Variants in TBX18 observed in about 807,000 individuals in gnomAD.
TBX18 encodes T-box transcription factor TBX18.
Under a neutral mutation model 55.0 loss-of-function variants are expected in TBX18, and 21 were observed. That is an observed-to-expected ratio of 0.38 (90% confidence interval 0.27 to 0.55). The LOEUF is 0.55. Ranked by LOEUF, TBX18 falls within the 20% of genes least tolerant of loss-of-function variation. The probability of loss-of-function intolerance (pLI) is 0.73; values close to 1 mark genes in which losing one functional copy is unlikely to be tolerated. For synonymous variants in TBX18, 342 were observed against 326.1 expected, an observed-to-expected ratio of 1.05 and a Z score of -0.53; for missense variants, 840 against 799.6, an observed-to-expected ratio of 1.05 and a Z score of -0.61.
rs1240435451 is a variant in TBX18, at chr6:84,762,706, G to T, written c.335C>A (p.Ala112Glu). Residue 112 changes from alanine (A) to glutamate (E), a missense_variant, in exon 2 of 8, where the codon GCG becomes GAG. Coordinates refer to ENST00000369663, the MANE Select transcript of TBX18 (RefSeq NM_001080508.3). ...DGFQQGASPL[A>E]SPGGSPKGSP... ...CCCCTTGGGGGAGCCTCCCGGTGACGCCAGAGGGGAAGCTCCCTGCTGGAA... is the reference window on the plus strand; with the variant it reads ...CCCCTTGGGGGAGCCTCCCGGTGACTCCAGAGGGGAAGCTCCCTGCTGGAA... 6.2e-7 allele frequency: 1 copy of T among 1,610,892 alleles called. No homozygotes were observed. Among genetic ancestry groups the T allele is most frequent in the South Asian group, 1.1e-5 (1 of 90,948 alleles).
At position 84,736,188 on chromosome 6, in the gene TBX18, A is replaced by G. The variant is rs544049313; in HGVS notation, c.*497T>C. On this transcript the variant is annotated 3_prime_UTR_variant, in exon 8 of 8. Coordinates refer to ENST00000369663, the MANE Select transcript of TBX18 (RefSeq NM_001080508.3). Reference sequence around the variant, plus strand: ...CAAATACCTCAGGACTAACACTAAGACTTCAACTGGCTTTTGTATTTTAGA... The same window carrying G: ...CAAATACCTCAGGACTAACACTAAGGCTTCAACTGGCTTTTGTATTTTAGA... The G allele has an allele frequency of 6.5e-6, 1 of 152,764 alleles. No homozygotes were observed. Among genetic ancestry groups the G allele is most frequent in the East Asian group, 1.9e-4 (1 of 5,190 alleles). 9.5% of individuals were successfully genotyped at this position (152,764 alleles called of 1,614,324 possible). A position where few individuals can be genotyped will look rare whatever the true frequency, so the allele number is the denominator to read the frequency against.
chr6:84,738,117 A>AC (rs1270160433), intron 7 of TBX18, among the ~76,000 whole-genome samples: 5 of 152,108 alleles, frequency 3.3e-5, no homozygotes, highest in African/African-American at 7.2e-5. Context: ...CAACAGGAGA[A>AC]CCCTACCCAG....
intron 4 of TBX18, among the ~76,000 whole-genome samples, chr6:84,750,392 A>C (rs1196778784): frequency 1.3e-5 from 2 of 152,142 alleles, no homozygotes; most frequent in East Asian, 3.8e-4. Flanking sequence ...CCCAGTAGAT[A>C]TTCTTTTTCA....
rs988749661 is a variant in TBX18, at chr6:84,756,265, A to G, written c.771+433T>C. 2.0e-5 allele frequency among the ~76,000 whole-genome samples: 3 copies of G among 152,242 alleles called. No individual in the cohort carries two copies. In the South Asian group the frequency reaches 6.2e-4, roughly 31 times the overall value. ...AAAACAACTGGGAACTTGCAGATGGAACACACAAACAGCATAAGCCTAGAC... is the reference window on the plus strand; with the variant it reads ...AAAACAACTGGGAACTTGCAGATGGGACACACAAACAGCATAAGCCTAGAC... On this transcript the variant is annotated intron_variant, in intron 4 of 7. Transcript: ENST00000369663.
chr6:84,740,480 C>G (rs1767019042), intron 6 of TBX18, among the ~76,000 whole-genome samples: 1 of 152,082 alleles, frequency 6.6e-6, no homozygotes, highest in African/African-American at 2.4e-5. Context: ...TATCTGTGGC[C>G]AAACTACAAG....
chr6:84,759,678 A>G (rs538330064), intron 3 of TBX18, among the ~76,000 whole-genome samples: 1 of 152,222 alleles, frequency 6.6e-6, no homozygotes, highest in Admixed American at 6.5e-5. Context: ...GTTATAACAC[A>G]TACCAAAAAA....
chr6:84,752,330 C>G (rs928055531), intron 4 of TBX18, among the ~76,000 whole-genome samples: 7 of 152,258 alleles, frequency 4.6e-5, no homozygotes, highest in Admixed American at 4.6e-4. Context: ...TCCAGATGAC[C>G]TAAATTCCCA....
chr6:84,757,019 T>C (rs1767510108), intron 3 of TBX18, 150 bp from the exon 4 acceptor site: 4 of 777,184 alleles, frequency 5.1e-6, no homozygotes, highest in African/African-American at 1.7e-5. Context: ...CAAGCGCTTT[T>C]CCAAACCACT....
intron 1 of TBX18, chr6:84,763,107 G>C (rs1767701780): frequency 2.5e-6 from 1 of 403,560 alleles, no homozygotes. Flanking sequence ...AGTCAGAGGA[G>C]CTCCCGGGTC....
Position 84,736,968 on chromosome 6 carries a change from T to C in TBX18, c.1541A>G (p.His514Arg), listed in dbSNP as rs754544460. The stretch of plus-strand genomic sequence containing the variant: ...TCTAAAAGTATTATAGGAACCCTGA[T>C]GGGTCTGGTTAGTGGCGAAGGCATT... The part of the protein sequence containing the change: ...SSNAFATNQT[H>R]QGSYNTFRLH... Residue 514 changes from histidine to arginine, a missense_variant, in exon 8 of 8, where the codon CAT becomes CGT. By Grantham distance (29) the His-to-Arg change is conservative. Coordinates refer to ENST00000369663, the MANE Select transcript of TBX18 (RefSeq NM_001080508.3). 3.1e-6 allele frequency: 5 copies of C among 1,609,716 alleles called. No homozygotes were observed. Among genetic ancestry groups the C allele is most frequent in the Non-Finnish European group, 8.5e-7 (1 of 1,177,208 alleles).
At position 84,736,953 on chromosome 6, in the gene TBX18, T is replaced by C. The variant is rs144185523; in HGVS notation, c.1556A>G (p.Asn519Ser). ...ACAGGGGCTGTGTAATCTAAAAGTA[T>C]TATAGGAACCCTGATGGGTCTGGTT... The part of the protein sequence containing the change: ...ATNQTHQGSY[N>S]TFRLHSPCAL... The change falls in exon 8 of 8, where the codon AAT becomes AGT. Residue 519 changes from asparagine to serine, a missense_variant. Physicochemically the swap from Asn to Ser is conservative, Grantham distance 46. Coordinates refer to ENST00000369663, the MANE Select transcript of TBX18 (RefSeq NM_001080508.3). 142 of 1,609,208 alleles carry C rather than the reference T, an allele frequency of 8.8e-5. No individual in the cohort carries two copies. The highest frequency in any genetic ancestry group is 1.2e-4 in the Non-Finnish European group (136 of 1,177,142).
intron 4 of TBX18, among the ~76,000 whole-genome samples, chr6:84,753,509 T>G (rs760453641): frequency 2.6e-5 from 4 of 151,940 alleles, no homozygotes; most frequent in Admixed American, 6.6e-5. Context: ...CTTTACTAAT[T>G]AGAGATCAGT....
intron 4 of TBX18, among the ~76,000 whole-genome samples, chr6:84,749,853 T>C (rs767289340): frequency 4.3e-4 from 66 of 152,068 alleles, no homozygotes; most frequent in Non-Finnish European, 8.2e-4. Context: ...GGTAGAAAGT[T>C]TGAAAAACAC....
At chr6:84,757,259 T>C (rs1237570206) in intron 3 of TBX18, among the ~76,000 whole-genome samples, 1 of 152,174 alleles carries the variant, frequency 6.6e-6, no homozygotes, top group Non-Finnish European at 1.5e-5. Flanking sequence ...ATCTCAAAAA[T>C]ACTTGAGAGT....
intron 4 of TBX18, among the ~76,000 whole-genome samples, chr6:84,749,900 G>C (rs1466166450): frequency 6.6e-6 from 1 of 152,134 alleles, no homozygotes; most frequent in Non-Finnish European, 1.5e-5. Flanking sequence ...CTAATGATCA[G>C]CACACTCTAA....
At position 84,736,255 on chromosome 6, in the gene TBX18, T is replaced by C. The variant is rs1435929770; in HGVS notation, c.*430A>G. ...AAGAATAACAGAAATCACAAGACTCTACATGCTGGTTACTGCTGGTTATCA... is the reference window on the plus strand; with the variant it reads ...AAGAATAACAGAAATCACAAGACTCCACATGCTGGTTACTGCTGGTTATCA... On this transcript the variant is annotated 3_prime_UTR_variant, in exon 8 of 8. Coordinates refer to ENST00000369663, the MANE Select transcript of TBX18 (RefSeq NM_001080508.3). 1 of 153,050 alleles carries C rather than the reference T, an allele frequency of 6.5e-6. No homozygotes were observed. Among genetic ancestry groups the C allele is most frequent in the Non-Finnish European group, 1.5e-5 (1 of 68,292 alleles). The allele number at this position is 153,050 out of a possible 1,614,324, so 9.5% of individuals were successfully genotyped here.
chr6:84,755,272 A>C (rs999782952), intron 4 of TBX18, among the ~76,000 whole-genome samples: 2 of 152,170 alleles, frequency 1.3e-5, no homozygotes, highest in Admixed American at 1.3e-4. Flanking sequence ...TTATACATGA[A>C]GGTATATAGT....
rs1226961520 is a variant in TBX18, at chr6:84,734,453, CAT to C, written c.*2230_*2231del. 3 of 152,400 alleles carry C rather than the reference CAT, an allele frequency of 2.0e-5. No homozygotes were observed. The highest frequency in any genetic ancestry group is 4.2e-4 in the South Asian group (2 of 4,810). 9.4% of individuals were successfully genotyped at this position (152,400 alleles called of 1,614,324 possible). A position where few individuals can be genotyped will look rare whatever the true frequency, so the allele number is the denominator to read the frequency against. On this transcript the variant is annotated 3_prime_UTR_variant, in exon 8 of 8. Transcript: ENST00000369663. ...CCAAAATCATAAAAGGGTTTAATAA[CAT>C]ATTTTAATATAATTTTAAGTACTTT...
chr6:84,738,413 A>G, intron 7 of TBX18, 84 bp downstream of exon 7: 1 of 1,021,482 alleles, frequency 9.8e-7, no homozygotes, highest in Non-Finnish European at 1.6e-6. Flanking sequence ...TTGTAAGTAT[A>G]AATAATGACT....
Sources: gnomAD v4.1 joint callset for allele counts (sites outside exome capture counted in the v4.1 genomes callset) on GRCh38, gnomAD v4.1.1 for gene constraint, MANE v1.5 for transcripts, NCBI Gene and HGNC (gene_info 2026-07-23, HGNC 2026-07-21) for gene names.